Variants in PSME4 observed in about 807,000 individuals in gnomAD.
PSME4 encodes the protein proteasome activator complex subunit 4.
Under a neutral mutation model 253.9 loss-of-function variants are expected in PSME4, and 89 were observed. The ratio of observed to expected loss-of-function variants is 0.35; its 90% CI spans 0.30 to 0.42. The LOEUF is 0.42. Ranked by LOEUF, PSME4 falls within the 10% of genes least tolerant of loss-of-function variation. PSME4 has a pLI of 1.00. For synonymous variants in PSME4, 851 were observed against 759.2 expected (o/e 1.12, Z -1.99); for missense variants, 2,014 against 2,195.2 (o/e 0.92, Z 1.65).
At chr2:53,961,721 T>G (rs1670504010) in intron 1 of PSME4, among the ~76,000 whole-genome samples, 1 of 152,296 alleles carries the variant, frequency 6.6e-6, no homozygotes, top group Non-Finnish European at 1.5e-5. Context: ...CATTCCCCAT[T>G]GCTGTAAAGA....
In PSME4 at chr2:53,893,749, C is replaced by G. The variant is rs1421718024; in HGVS notation, c.3963G>C (p.Gln1321His). ...DHFSDPKFVE[Q>H]LITFLSLEDR... The stretch of plus-strand genomic sequence containing the variant: ...CTTCTAATGATAGAAAAGTAATTAA[C>G]TGCTCAACAAATTTAGGATCAGAAA... The change falls in exon 35 of 47, where the codon CAG becomes CAC. Residue 1321 changes from glutamine to histidine, a missense_variant. This residue lies in a region of PSME4 where 989 missense variants were observed against 1,021.1 expected (regional missense o/e 0.97). Transcript: ENST00000404125. 8 of 1,611,026 alleles carry G rather than the reference C, an allele frequency of 5.0e-6. No individual in the cohort carries two copies. Among genetic ancestry groups the G allele is most frequent in the Admixed American group, 1.7e-5 (1 of 59,750 alleles).
intron 14 of PSME4, among the ~76,000 whole-genome samples, chr2:53,925,064 C>A (rs747607737): frequency 6.6e-6 from 1 of 152,188 alleles, no homozygotes; most frequent in Non-Finnish European, 1.5e-5. Flanking sequence ...CCATTAGGCA[C>A]AGCACAACTC....
chr2:53,932,240 CTAGA>C, intron 9 of PSME4, 140 bp from the exon 10 acceptor site: 1 of 701,424 alleles, frequency 1.4e-6, no homozygotes, highest in Non-Finnish European at 2.3e-6. Flanking sequence ...CACAGCATAA[CTAGA>C]TAGAATTAAA....
intron 40 of PSME4, among the ~76,000 whole-genome samples, chr2:53,886,780 A>G (rs1489742629): frequency 3.3e-5 from 5 of 152,226 alleles, no homozygotes; most frequent in Admixed American, 3.3e-4. Context: ...ATTAGTCACA[A>G]TAGCCAAAGG....
chr2:53,923,913 CAAAAAAAAAAAAA>C (rs199929436), intron 14 of PSME4, among the ~76,000 whole-genome samples: 150 of 96,880 alleles, frequency 1.5e-3, no homozygotes, highest in African/African-American at 2.6e-3. Context: ...ACAGAGTTAA[CAAAAAAAAAAAAA>C]AAAAAAAAAA....
At chr2:53,893,036 T>C (rs1309872706) in intron 35 of PSME4, 76 bp from the exon 36 acceptor site, 2 of 1,392,612 alleles carry the variant, frequency 1.4e-6, no homozygotes, top group East Asian at 4.8e-5. Flanking sequence ...AATTATTCTG[T>C]ACATTACTAA....
intron 44 of PSME4, 59 bp downstream of exon 44, chr2:53,869,317 C>G (rs943549940): frequency 7.0e-7 from 1 of 1,425,174 alleles, no homozygotes; most frequent in Non-Finnish European, 9.5e-7. Context: ...TATGAGTAAG[C>G]CTGGTTAACC....
At chr2:53,915,509 A>C (rs1668018283) in intron 20 of PSME4, among the ~76,000 whole-genome samples, 1 of 151,846 alleles carries the variant, frequency 6.6e-6, no homozygotes, top group Admixed American at 6.6e-5. Context: ...AGGTGGGAGG[A>C]TCACTTGAGC....
chr2:53,931,977 C>G lies in PSME4; in HGVS notation c.1174G>C (p.Asp392His), dbSNP rs1668851976. The G allele has an allele frequency of 6.2e-7, 1 of 1,614,112 alleles. No individual in the cohort carries two copies. The part of the protein sequence containing the change: ...VPDSHKLTDQ[D>H]VTDFVQCIIQ... ...ATGCATTGTACAAAGTCTGTAACAT[C>G]TTGATCAGTAAGCTTGTGGCTATCA... is the stretch of plus-strand genomic sequence containing the variant. Residue 392 changes from aspartate (D) to histidine (H), a missense_variant, in exon 10 of 47, where the codon GAT becomes CAT. By Grantham distance (81) the Asp-to-His change is moderately conservative. Around this residue, in one of 4 missense-constraint regions of PSME4, gnomAD observed 615 missense variants for 594.4 expected, o/e 1.03. Transcript: ENST00000404125.
intron 26 of PSME4, among the ~76,000 whole-genome samples, chr2:53,905,060 T>A (rs1234107240): frequency 2.0e-5 from 3 of 147,238 alleles, no homozygotes; most frequent in Non-Finnish European, 4.5e-5. Context: ...TTTTTTTTCC[T>A]GCTCTGTCAC....
chr2:53,955,564 T>C (rs1247115290), intron 1 of PSME4, among the ~76,000 whole-genome samples: 1 of 152,048 alleles, frequency 6.6e-6, no homozygotes, highest in Non-Finnish European at 1.5e-5. Flanking sequence ...ATATAATATT[T>C]ATAAAGCAAG....
In PSME4 at chr2:53,940,958, TATATATATA is replaced by T. The variant is rs1669398883; in HGVS notation, c.501-967_501-959del. Among the ~76,000 whole-genome samples, 193 of 49,554 alleles carry T rather than the reference TATATATATA, an allele frequency of 3.9e-3. 16 individuals carry two copies. Among genetic ancestry groups the T allele is most frequent in the African/African-American group, 8.0e-3 (136 of 16,992 alleles). 32.5% of individuals were successfully genotyped at this position (49,554 alleles called of 152,430 possible). Reference sequence around the variant, plus strand: ...ATATATAAATATATATATACATATATATATATATATATATATATATATATATATATATAT... The same window carrying T: ...ATATATAAATATATATATACATATATTATATATATATATATATATATATAT... On this transcript the variant is annotated intron_variant, in intron 3 of 46. Coordinates refer to ENST00000404125, the MANE Select transcript of PSME4 (RefSeq NM_014614.3).
In PSME4 at chr2:53,897,861, G is replaced by A; in HGVS notation, c.3606+9C>T. 6.2e-7 allele frequency: 1 copy of A among 1,612,970 alleles called. No homozygotes were observed. Among genetic ancestry groups the A allele is most frequent in the Non-Finnish European group, 8.5e-7 (1 of 1,179,088 alleles). On this transcript the variant is annotated intron_variant, in intron 31 of 46. Coordinates refer to ENST00000404125, the MANE Select transcript of PSME4 (RefSeq NM_014614.3). Reference sequence around the variant, plus strand: ...AAACCCAAGACTGTAGCTAAAACAAGGTATGTACCTTTCGAACTACAATTG... The same window carrying A: ...AAACCCAAGACTGTAGCTAAAACAAAGTATGTACCTTTCGAACTACAATTG...
chr2:53,930,030 TAATAAATAAATA>T (rs530642038), intron 10 of PSME4, among the ~76,000 whole-genome samples: 3 of 150,966 alleles, frequency 2.0e-5, no homozygotes, highest in African/African-American at 7.3e-5. Context: ...AATAAATAAA[TAATAAATAAATA>T]AATAAATAAA....
chr2:53,925,953 G>A lies in PSME4; in HGVS notation c.1658+6C>T, dbSNP rs1179536613. 1 of 1,610,582 alleles carries A rather than the reference G, an allele frequency of 6.2e-7. No homozygotes were observed. Among genetic ancestry groups the A allele is most frequent in the Non-Finnish European group, 8.5e-7 (1 of 1,176,848 alleles). On this transcript the variant is annotated splice_donor_region_variant and intron_variant, in intron 13 of 46. Coordinates refer to ENST00000404125, the MANE Select transcript of PSME4 (RefSeq NM_014614.3). ...AGCTAAACGTTGGTGTGGGTTACAA[G>A]CTCACCTGTCCATAAACTGTAAGAC... is the stretch of plus-strand genomic sequence containing the variant.
chr2:53,904,942 C>T (rs561258819), intron 26 of PSME4, among the ~76,000 whole-genome samples: 7 of 149,812 alleles, frequency 4.7e-5, no homozygotes, highest in Non-Finnish European at 8.9e-5. Flanking sequence ...GAACCAAGAT[C>T]GTGCCACTGC....
chr2:53,937,087 T>G (rs1669160909), intron 5 of PSME4, among the ~76,000 whole-genome samples: 1 of 152,206 alleles, frequency 6.6e-6, no homozygotes, highest in Non-Finnish European at 1.5e-5. Context: ...ATTTAACAAT[T>G]GTTTTCAATT....
chr2:53,922,618 C>T (rs1253187979), intron 16 of PSME4, 34 bp from the exon 17 acceptor site: 2 of 1,596,862 alleles, frequency 1.3e-6, no homozygotes, highest in African/African-American at 1.4e-5. Flanking sequence ...GGGGGAAAAA[C>T]CTATGCATTC....
intron 4 of PSME4, among the ~76,000 whole-genome samples, chr2:53,938,847 T>C (rs897844160): frequency 1.3e-5 from 2 of 152,212 alleles, no homozygotes; most frequent in African/African-American, 2.4e-5. Context: ...CAGGTCCTTG[T>C]GTAACAGGTT....
Sources: allele counts gnomAD v4.1 joint callset (sites outside exome capture counted in the v4.1 genomes callset), GRCh38; gene constraint gnomAD v4.1.1; regional missense constraint gnomAD v4.1.1; transcripts MANE v1.5; gene names NCBI Gene and HGNC (gene_info 2026-07-23, HGNC 2026-07-21).